Variants in MLLT10 observed in about 807,000 individuals in gnomAD.
MLLT10 encodes protein AF-10.
A neutral mutation model predicts 129.1 loss-of-function variants in MLLT10; 30 were observed. That is an observed-to-expected ratio of 0.23 (90% CI 0.17 to 0.32). MLLT10 has a LOEUF of 0.32. Among genes scored for constraint, MLLT10 ranks in the 10% least tolerant of loss-of-function variants. The pLI is 1.00. For missense variants in MLLT10, 1,119 were observed against 1,268.3 expected, an observed-to-expected ratio of 0.88 and a Z score of 1.79; for synonymous variants, 490 against 446.4, an observed-to-expected ratio of 1.10 and a Z score of -1.23.
chr10:21,721,126 A>C (rs1352666725), intron 14 of MLLT10, among the ~76,000 whole-genome samples: 1 of 152,204 alleles, frequency 6.6e-6, no homozygotes, highest in African/African-American at 2.4e-5. Context: ...GTCAGGGCTG[A>C]AAAGCTTGAA....
intron 3 of MLLT10, among the ~76,000 whole-genome samples, chr10:21,562,979 C>T (rs1414539519): frequency 6.6e-6 from 1 of 151,872 alleles, no homozygotes; most frequent in Admixed American, 6.6e-5. Context: ...GCCACCACAC[C>T]TGGCTAATTT....
At chr10:21,598,990 CA>C (rs1589157268) in intron 5 of MLLT10, among the ~76,000 whole-genome samples, 1 of 151,896 alleles carries the variant, frequency 6.6e-6, no homozygotes, top group African/African-American at 2.4e-5. Context: ...CCAGCCTGAC[CA>C]AGATGGCGAA....
intron 8 of MLLT10, among the ~76,000 whole-genome samples, chr10:21,633,404 T>TTTGGTTAGGAGATTG (rs2047179843): frequency 6.6e-6 from 1 of 152,142 alleles, no homozygotes. Flanking sequence ...TATTCCCAGT[T>TTTGGTTAGGAGATTG]TTGGTTAGGA....
intron 14 of MLLT10, among the ~76,000 whole-genome samples, chr10:21,725,718 C>CAA (rs369977561): frequency 0.022 from 2,070 of 95,516 alleles, 48 homozygotes; most frequent in African/African-American, 0.054. Flanking sequence ...AACTCTTTCT[C>CAA]AAAAAAAAAA....
intron 14 of MLLT10, among the ~76,000 whole-genome samples, chr10:21,723,359 CT>C (rs1289484490): frequency 6.6e-6 from 1 of 152,044 alleles, no homozygotes; most frequent in African/African-American, 2.4e-5. Flanking sequence ...AGAAGGAACC[CT>C]TCCTAAAAAA....
intron 8 of MLLT10, among the ~76,000 whole-genome samples, chr10:21,646,073 T>C (rs1028762628): frequency 1.3e-5 from 2 of 152,064 alleles, no homozygotes; most frequent in African/African-American, 4.8e-5. Flanking sequence ...GACATGGTGG[T>C]ACACACCTGT....
chr10:21,582,097 T>C (rs1231274092), intron 3 of MLLT10, among the ~76,000 whole-genome samples: 3 of 152,070 alleles, frequency 2.0e-5, no homozygotes, highest in Non-Finnish European at 4.4e-5. Context: ...GCTTTTCTTA[T>C]AGTACATTGT....
chr10:21,534,494 C>G lies in MLLT10; in HGVS notation c.-27C>G, dbSNP rs2033426441. 1.4e-6 allele frequency: 1 copy of G among 699,710 alleles called. No individual in the cohort carries two copies. The highest frequency in any genetic ancestry group is 2.2e-6 in the Non-Finnish European group (1 of 450,474). 43.3% of individuals were successfully genotyped at this position (699,710 alleles called of 1,614,324 possible). On this transcript the variant is annotated 5_prime_UTR_variant, in exon 1 of 23. Coordinates refer to ENST00000307729, the MANE Select transcript of MLLT10 (RefSeq NM_001195626.3). Reference sequence around the variant, plus strand: ...CATGGCTCCTGACTCCTGTGCGGAACGTGAGTGACTGAGCGGCAAAGCCCG... The same window carrying G: ...CATGGCTCCTGACTCCTGTGCGGAAGGTGAGTGACTGAGCGGCAAAGCCCG...
chr10:21,671,398 A>G (rs1277277352), intron 10 of MLLT10, among the ~76,000 whole-genome samples: 1 of 152,176 alleles, frequency 6.6e-6, no homozygotes, highest in Non-Finnish European at 1.5e-5. Flanking sequence ...GCTCACATCT[A>G]TAATCCTAGC....
At chr10:21,741,134 T>C (rs1449440324) in intron 22 of MLLT10, among the ~76,000 whole-genome samples, 1 of 152,222 alleles carries the variant, frequency 6.6e-6, no homozygotes, top group East Asian at 1.9e-4. Context: ...AGGATTGTTT[T>C]TCATGAACTC....
At chr10:21,624,943 TC>T in intron 8 of MLLT10, 3 of 1,305,546 alleles carry the variant, frequency 2.3e-6, no homozygotes, top group Non-Finnish European at 3.2e-6. Flanking sequence ...GGTGCTCCCC[TC>T]CCCCTTGGTG....
rs947846319 is a variant in MLLT10 at position 21,672,990 on chromosome 10, C to A, written c.1052-360C>A. ...TGACTGTGGAAAGGAGACTACTGTT[C>A]TGTAGTCCTTCCTCAGGCATACATG... On this transcript the variant is annotated intron_variant, in intron 10 of 22. Coordinates refer to ENST00000307729, the MANE Select transcript of MLLT10 (RefSeq NM_001195626.3). 5.9e-5 allele frequency among the ~76,000 whole-genome samples: 9 copies of A among 152,230 alleles called. No homozygotes were observed. The South Asian group carries it at 8.3e-4, about 14-fold the overall frequency.
At chr10:21,670,346 G>T in intron 9 of MLLT10, 103 bp from the exon 10 acceptor site, 1 of 1,105,984 alleles carries the variant, frequency 9.0e-7, no homozygotes, top group Non-Finnish European at 1.2e-6. Context: ...CAGAAACTTT[G>T]TGTTTATTCT....
intron 8 of MLLT10, among the ~76,000 whole-genome samples, chr10:21,622,233 CTGCAGCCT>C (rs2045948405): frequency 6.9e-6 from 1 of 144,644 alleles, no homozygotes; most frequent in Non-Finnish European, 1.5e-5. Flanking sequence ...CCATAGCTCA[CTGCAGCCT>C]TGATCTCCGT....
chr10:21,669,038 G>T (rs765458048), intron 9 of MLLT10: 2 of 1,378,502 alleles, frequency 1.5e-6, no homozygotes, highest in East Asian at 3.4e-5. Flanking sequence ...CATGGAAAAG[G>T]TTCATATTTC....
chr10:21,656,072 A>T (rs978870543), intron 9 of MLLT10, among the ~76,000 whole-genome samples: 3 of 152,164 alleles, frequency 2.0e-5, no homozygotes, highest in African/African-American at 7.2e-5. Flanking sequence ...ACTTCAGGCA[A>T]ATAAGATGAG....
At chr10:21,710,772 CA>C (rs1211150299) in intron 13 of MLLT10, among the ~76,000 whole-genome samples, 1 of 152,060 alleles carries the variant, frequency 6.6e-6, no homozygotes, top group Non-Finnish European at 1.5e-5. Context: ...ACTAGCTCAC[CA>C]AAAAAGTTAC....
chr10:21,535,443 G>T (rs1342628361), intron 2 of MLLT10, among the ~76,000 whole-genome samples: 1 of 152,070 alleles, frequency 6.6e-6, no homozygotes, highest in Non-Finnish European at 1.5e-5. Flanking sequence ...GACCATGCGG[G>T]AGTGGCGGGG....
At chr10:21,619,484 A>G (rs1427607703) in intron 8 of MLLT10, among the ~76,000 whole-genome samples, 11 of 152,220 alleles carry the variant, frequency 7.2e-5, no homozygotes, top group Non-Finnish European at 1.5e-4. Context: ...GACTACACGT[A>G]TAGATCTTTT....
Sources: allele counts gnomAD v4.1 joint callset (sites outside exome capture counted in the v4.1 genomes callset), GRCh38; gene constraint gnomAD v4.1.1; transcripts MANE v1.5; gene names NCBI Gene and HGNC (gene_info 2026-07-23, HGNC 2026-07-21).